NCAM2: variants seen among roughly 807,000 people sequenced by gnomAD.
NCAM2 encodes N-CAM-2.
In NCAM2, 30 loss-of-function variants were observed where a neutral mutation model predicts 98.1. The ratio of observed to expected loss-of-function variants is 0.31; its 90% CI spans 0.23 to 0.41. NCAM2 has a LOEUF of 0.41. Among genes scored for constraint, NCAM2 ranks in the 10% least tolerant of loss-of-function variants. NCAM2 has a pLI of 1.00. For synonymous variants in NCAM2, 368 were observed against 342.4 expected (o/e 1.07, Z -0.83); for missense variants, 867 against 1,005.8 (o/e 0.86, Z 1.87).
rs573305361 is a variant in NCAM2 at position 21,455,110 on chromosome 21, T to A, written c.1655-11496T>A. Among the ~76,000 whole-genome samples the A allele has an allele frequency of 6.7e-5, 10 of 150,228 alleles. No individual in the cohort carries two copies. In the South Asian group the frequency reaches 1.9e-3, roughly 28 times the overall value. ...GGAAGATTATATGTGTTTTTACGTC[T>A]ACCATTATAAATTTGTATGCCAAAT... On this transcript the variant is annotated intron_variant, in intron 12 of 17. Transcript: ENST00000400546.
intron 5 of NCAM2, among the ~76,000 whole-genome samples, chr21:21,303,185 CA>C (rs763502091): frequency 6.8e-6 from 1 of 147,034 alleles, no homozygotes; most frequent in Non-Finnish European, 1.5e-5. Flanking sequence ...GCCCATGTGA[CA>C]AACCTGCACA....
At chr21:21,164,288 G>A (rs1014803504) in intron 1 of NCAM2, among the ~76,000 whole-genome samples, 1 of 152,108 alleles carries the variant, frequency 6.6e-6, no homozygotes, top group African/African-American at 2.4e-5. Flanking sequence ...TGAAAATAGA[G>A]TATTACAATT....
chr21:21,191,437 G>A (rs2068820430), intron 1 of NCAM2, among the ~76,000 whole-genome samples: 1 of 152,104 alleles, frequency 6.6e-6, no homozygotes, highest in Non-Finnish European at 1.5e-5. Flanking sequence ...TAATTATATA[G>A]TTAAATATGT....
At chr21:21,345,306 G>T (rs1297728699) in intron 8 of NCAM2, among the ~76,000 whole-genome samples, 3 of 151,886 alleles carry the variant, frequency 2.0e-5, no homozygotes, top group Non-Finnish European at 4.4e-5. Context: ...CAATCCTAGA[G>T]AAATAGAAAT....
chr21:21,061,605 C>T (rs2065324674), intron 1 of NCAM2, among the ~76,000 whole-genome samples: 1 of 151,034 alleles, frequency 6.6e-6, no homozygotes, highest in Non-Finnish European at 1.5e-5. Context: ...TGGAATCATA[C>T]AGCCTATTCT....
At chr21:21,476,686 T>C (rs1426207296) in intron 14 of NCAM2, among the ~76,000 whole-genome samples, 1 of 152,070 alleles carries the variant, frequency 6.6e-6, no homozygotes, top group East Asian at 1.9e-4. Context: ...AAGTGTAGAA[T>C]GTTTGAGAAT....
chr21:21,329,981 C>A (rs1418814365), intron 6 of NCAM2, among the ~76,000 whole-genome samples: 1 of 151,956 alleles, frequency 6.6e-6, no homozygotes, highest in Admixed American at 6.6e-5. Context: ...TGCATGTTTT[C>A]TGTAGTATTC....
intron 1 of NCAM2, among the ~76,000 whole-genome samples, chr21:21,064,774 T>C (rs1399295401): frequency 6.6e-6 from 1 of 152,224 alleles, no homozygotes; most frequent in Non-Finnish European, 1.5e-5. Context: ...TGTTTACATA[T>C]GGGACTGCTA....
chr21:21,105,883 A>G (rs1735444961), intron 1 of NCAM2, among the ~76,000 whole-genome samples: 1 of 152,082 alleles, frequency 6.6e-6, no homozygotes, highest in African/African-American at 2.4e-5. Flanking sequence ...ATAATAGTGG[A>G]TACTTGGAAG....
At chr21:21,364,515 T>G (rs893211388) in intron 8 of NCAM2, among the ~76,000 whole-genome samples, 1 of 152,044 alleles carries the variant, frequency 6.6e-6, no homozygotes, top group African/African-American at 2.4e-5. Flanking sequence ...AGATTTCTTA[T>G]ACATCTAATG....
At chr21:21,099,272 G>C (rs2066188827) in intron 1 of NCAM2, among the ~76,000 whole-genome samples, 2 of 151,850 alleles carry the variant, frequency 1.3e-5, no homozygotes, top group African/African-American at 4.8e-5. Flanking sequence ...TATTGGTTTT[G>C]GTGTCACCTG....
intron 8 of NCAM2, among the ~76,000 whole-genome samples, chr21:21,346,102 G>T (rs2075179193): frequency 6.7e-6 from 1 of 149,578 alleles, no homozygotes; most frequent in South Asian, 2.1e-4. Context: ...TAGACTGGCT[G>T]AATGGATAAC....
At chr21:21,510,811 C>G (rs1371448505) in intron 16 of NCAM2, among the ~76,000 whole-genome samples, 3 of 151,914 alleles carry the variant, frequency 2.0e-5, no homozygotes, top group Non-Finnish European at 4.4e-5. Flanking sequence ...TTCTAAAAGG[C>G]TTAGCTATTA....
At chr21:21,480,141 C>T (rs1271756638) in intron 15 of NCAM2, among the ~76,000 whole-genome samples, 1 of 151,788 alleles carries the variant, frequency 6.6e-6, no homozygotes, top group South Asian at 2.1e-4. Context: ...CCGAGGCGGG[C>T]GGATCACGAG....
At chr21:21,272,153 A>G (rs917807660) in intron 1 of NCAM2, among the ~76,000 whole-genome samples, 1 of 152,196 alleles carries the variant, frequency 6.6e-6, no homozygotes, top group Non-Finnish European at 1.5e-5. Flanking sequence ...CACAGTGGGA[A>G]GTATATTTGT....
chr21:21,292,264 AT>A (rs2073325539), intron 5 of NCAM2, 23 bp downstream of exon 5: 1 of 1,592,400 alleles, frequency 6.3e-7, no homozygotes, highest in East Asian at 2.3e-5. Context: ...TAATTTGTAC[AT>A]GTTTTATGGA....
chr21:21,059,687 C>T (rs150858759), intron 1 of NCAM2, among the ~76,000 whole-genome samples: 2 of 152,184 alleles, frequency 1.3e-5, no homozygotes, highest in East Asian at 1.9e-4. Flanking sequence ...CAGACATTCT[C>T]GTTCTCTAAA....
chr21:21,421,955 G>A (rs1473423269), intron 11 of NCAM2, among the ~76,000 whole-genome samples: 1 of 151,462 alleles, frequency 6.6e-6, no homozygotes, highest in Non-Finnish European at 1.5e-5. Context: ...TTTTTTCCTT[G>A]CATTTTCCCT....
chr21:21,042,512 A>AATTT, intron 1 of NCAM2, among the ~76,000 whole-genome samples: 1 of 152,138 alleles, frequency 6.6e-6, no homozygotes, highest in African/African-American at 2.4e-5. Flanking sequence ...AATTTAACAG[A>AATTT]TATAAGCCTC....
Sources: allele counts gnomAD v4.1 joint callset (sites outside exome capture counted in the v4.1 genomes callset), GRCh38; gene constraint gnomAD v4.1.1; transcripts MANE v1.5; gene names NCBI Gene and HGNC (gene_info 2026-07-23, HGNC 2026-07-21).